Variants in LRRTM3 observed in about 807,000 individuals in gnomAD.
LRRTM3 encodes leucine rich repeat transmembrane neuronal 3, also known as leucine-rich repeat transmembrane neuronal protein 3.
Under a neutral mutation model 44.7 loss-of-function variants are expected in LRRTM3, and 24 were observed. That is an observed-to-expected ratio of 0.54 (90% CI 0.39 to 0.76). LRRTM3 has a LOEUF of 0.76. LRRTM3 is among the 30% of genes least tolerant of loss of function. The pLI, the probability that LRRTM3 is intolerant of heterozygous loss-of-function variation, is 0.00. For missense variants in LRRTM3, 587 were observed against 702.2 expected (o/e 0.84, Z 1.85); for synonymous variants, 277 against 278.7 (o/e 0.99, Z 0.06).
intron 2 of LRRTM3, among the ~76,000 whole-genome samples, chr10:66,944,115 G>A (rs1848160605): frequency 6.6e-6 from 1 of 152,146 alleles, no homozygotes; most frequent in South Asian, 2.1e-4. Context: ...ATATGGTGTT[G>A]ATTGATAGCA....
At chr10:67,052,759 C>A (rs1353279880) in intron 2 of LRRTM3, 1 of 151,972 alleles carries the variant, frequency 6.6e-6, no homozygotes, top group Non-Finnish European at 1.5e-5. Context: ...CAAAAACAAA[C>A]AAACAAAGAA....
intron 2 of LRRTM3, among the ~76,000 whole-genome samples, chr10:67,071,801 C>A (rs1856481754): frequency 6.6e-6 from 1 of 152,086 alleles, no homozygotes; most frequent in African/African-American, 2.4e-5. Context: ...TAATTTTTCC[C>A]TTTTTCTTTC....
intron 2 of LRRTM3, among the ~76,000 whole-genome samples, chr10:66,973,103 T>G (rs1849818666): frequency 6.6e-6 from 1 of 152,200 alleles, no homozygotes; most frequent in Non-Finnish European, 1.5e-5. Flanking sequence ...TTCTCAGCCT[T>G]TTGGCTAAGA....
At chr10:67,050,617 T>A (rs1384048259) in intron 2 of LRRTM3, among the ~76,000 whole-genome samples, 1 of 152,196 alleles carries the variant, frequency 6.6e-6, no homozygotes, top group Admixed American at 6.5e-5. Flanking sequence ...CTAGGCTCTT[T>A]GGTACGCTGA....
chr10:66,971,254 C>T (rs1040564819), intron 2 of LRRTM3, among the ~76,000 whole-genome samples: 2 of 151,872 alleles, frequency 1.3e-5, no homozygotes, highest in East Asian at 3.9e-4. Context: ...AGTGAAACCC[C>T]GTCTCTACTA....
intron 2 of LRRTM3, among the ~76,000 whole-genome samples, chr10:67,032,433 GT>G (rs1853787966): frequency 6.6e-6 from 1 of 152,044 alleles, no homozygotes; most frequent in South Asian, 2.1e-4. Flanking sequence ...CAAAGTATGA[GT>G]TTGTTTTACA....
intron 2 of LRRTM3, among the ~76,000 whole-genome samples, chr10:66,973,733 C>A (rs1218603631): frequency 1.3e-5 from 2 of 152,106 alleles, no homozygotes; most frequent in Non-Finnish European, 2.9e-5. Flanking sequence ...AAGTGATTCT[C>A]CTGCTTCAGC....
chr10:67,075,190 T>A (rs201470446), intron 2 of LRRTM3, among the ~76,000 whole-genome samples: 8 of 62,416 alleles, frequency 1.3e-4, no homozygotes, highest in African/African-American at 8.0e-4. Context: ...ACACACACAC[T>A]CACACACTAC....
intron 2 of LRRTM3, among the ~76,000 whole-genome samples, chr10:67,011,337 T>C (rs1284648206): frequency 1.8e-5 from 2 of 113,754 alleles, no homozygotes; most frequent in Non-Finnish European, 3.5e-5. Context: ...AAAGTCTGTC[T>C]CAAAAAAAAA....
rs1589449665 is a variant in LRRTM3 at position 66,936,313 on chromosome 10, TA to T, written c.1536+7863del. On this transcript the variant is annotated intron_variant, in intron 2 of 2. Coordinates refer to ENST00000361320, the MANE Select transcript of LRRTM3 (RefSeq NM_178011.5). ...CCAAAAGCTCACATTATACGTTTCT[TA>T]ATGTTAAAAAAAAAATCCCAAATGA... 2.0e-5 allele frequency among the ~76,000 whole-genome samples: 3 copies of T among 151,974 alleles called. No homozygotes were observed. The East Asian group carries it at 5.8e-4, about 29-fold the overall frequency.
intron 2 of LRRTM3, among the ~76,000 whole-genome samples, chr10:67,024,016 CA>C (rs1853193451): frequency 6.6e-6 from 1 of 152,212 alleles, no homozygotes. Flanking sequence ...CATATTACCA[CA>C]AATTTAGTGG....
At chr10:66,951,164 G>A (rs1848520897) in intron 2 of LRRTM3, among the ~76,000 whole-genome samples, 1 of 151,134 alleles carries the variant, frequency 6.6e-6, no homozygotes, top group African/African-American at 2.4e-5. Flanking sequence ...GTCACCTGGA[G>A]TGCTGGAGTG....
At chr10:66,977,997 G>A (rs370975149) in intron 2 of LRRTM3, among the ~76,000 whole-genome samples, 2 of 151,960 alleles carry the variant, frequency 1.3e-5, no homozygotes, top group East Asian at 3.9e-4. Context: ...AATCAAGGTT[G>A]TATATAGAAA....
chr10:67,067,037 T>C (rs1856134760), intron 2 of LRRTM3, among the ~76,000 whole-genome samples: 1 of 152,148 alleles, frequency 6.6e-6, no homozygotes, highest in Non-Finnish European at 1.5e-5. Context: ...ATCTCAGATT[T>C]AAAAGTGGCA....
intron 2 of LRRTM3, among the ~76,000 whole-genome samples, chr10:66,978,526 C>CAAAAAAA (rs1170594360): frequency 4.7e-5 from 2 of 42,318 alleles, no homozygotes; most frequent in Non-Finnish European, 7.8e-5. Flanking sequence ...GACTCCATCT[C>CAAAAAAA]AAAAAAAAAA....
chr10:67,037,137 T>C (rs1407750439), intron 2 of LRRTM3, among the ~76,000 whole-genome samples: 1 of 152,172 alleles, frequency 6.6e-6, no homozygotes, highest in Non-Finnish European at 1.5e-5. Context: ...ACTTTACATT[T>C]GACTCATTAA....
intron 2 of LRRTM3, among the ~76,000 whole-genome samples, chr10:67,026,313 G>A (rs1853388040): frequency 1.3e-5 from 2 of 151,942 alleles, no homozygotes; most frequent in African/African-American, 2.4e-5. Context: ...TGGCAATCCA[G>A]ATTCAAGTAG....
At chr10:66,985,842 C>T (rs1850699279) in intron 2 of LRRTM3, among the ~76,000 whole-genome samples, 1 of 152,092 alleles carries the variant, frequency 6.6e-6, no homozygotes, top group Non-Finnish European at 1.5e-5. Flanking sequence ...ATTCTCATGC[C>T]TCAGCCTCCC....
chr10:67,082,390 G>C (rs1857098845), intron 2 of LRRTM3, among the ~76,000 whole-genome samples: 1 of 152,132 alleles, frequency 6.6e-6, no homozygotes, highest in Admixed American at 6.5e-5. Flanking sequence ...TGAGCAGAAG[G>C]AAGAGCTAAT....
Sources: gnomAD v4.1 joint callset for allele counts (sites outside exome capture counted in the v4.1 genomes callset) on GRCh38, gnomAD v4.1.1 for gene constraint, MANE v1.5 for transcripts, NCBI Gene and HGNC (gene_info 2026-07-23, HGNC 2026-07-21) for gene names.